The following PDE12 variants were observed in gnomAD, a reference collection of about 807,000 sequenced individuals.
PDE12 encodes the protein phosphodiesterase 12, also known as 2',5'-phosphodiesterase 12.
In PDE12, 26 loss-of-function variants were observed where a neutral mutation model predicts 45.4. The observed-to-expected ratio is 0.57, with a 90% confidence interval of 0.42 to 0.79. The LOEUF is 0.79. PDE12 is among the 30% of genes least tolerant of loss of function. The pLI is 0.00. For synonymous variants in PDE12, 283 were observed against 323.9 expected (o/e 0.87, Z 1.36); for missense variants, 668 against 790.0 (o/e 0.85, Z 1.85).
chr3:57,559,446 T>G, intron 2 of PDE12, 58 bp downstream of exon 2: 1 of 1,572,908 alleles, frequency 6.4e-7, no homozygotes. Flanking sequence ...TTTAAAGTGT[T>G]TTACACAAAT....
Position 57,556,500 on chromosome 3 carries a change from C to T in PDE12, c.121C>T (p.Arg41Cys). 1.2e-6 allele frequency: 2 copies of T among 1,613,326 alleles called. No individual in the cohort carries two copies. The highest frequency in any genetic ancestry group is 2.2e-5 in the South Asian group (2 of 91,090). The change falls in exon 1 of 3, where the codon CGC (arginine) becomes TGC (cysteine). Residue 41 changes from arginine (R) to cysteine (C), a missense_variant. Transcript: ENST00000311180. This position sits in a 1 kb window ranked among gnomAD's most constrained non-coding sequence, Gnocchi z 5.0. ...AAGAMERAVV[R>C]CVPSEPKLSL... The stretch of plus-strand genomic sequence containing the variant: ...GGGAGCGATGGAGCGCGCTGTAGTG[C>T]GCTGCGTACCTTCGGAACCCAAGCT...
chr3:57,642,765 G>T, the PDE12 span, among the ~76,000 whole-genome samples: 2 of 152,096 alleles, frequency 1.3e-5, no homozygotes, highest in African/African-American at 2.4e-5. Flanking sequence ...AGCCCTTTGG[G>T]AAGGCCGAGG....
chr3:57,596,204 A>G, the PDE12 span, among the ~76,000 whole-genome samples: 2 of 152,182 alleles, frequency 1.3e-5, no homozygotes, highest in African/African-American at 4.8e-5. Context: ...AACTTTCTAA[A>G]AAGAAATTTT....
chr3:57,633,509 T>G, the PDE12 span, among the ~76,000 whole-genome samples: 2 of 152,226 alleles, frequency 1.3e-5, no homozygotes, highest in South Asian at 4.1e-4. Flanking sequence ...AAGTTCATTG[T>G]GCAATATCCT....
At chr3:57,575,532 A>G in the PDE12 span, 73 of 1,602,654 alleles carry the variant, frequency 4.6e-5, no homozygotes, top group African/African-American at 7.5e-4. Flanking sequence ...GTTAATATCA[A>G]CCTCCAAATA....
At chr3:57,621,660 A>AAAAAT in the PDE12 span, among the ~76,000 whole-genome samples, 7 of 152,180 alleles carry the variant, frequency 4.6e-5, no homozygotes, top group Admixed American at 1.3e-4. Context: ...AGTCTGTCTC[A>AAAAAT]AAAATAAAAT....
the PDE12 span, among the ~76,000 whole-genome samples, chr3:57,585,662 A>T: frequency 1.6e-5 from 1 of 62,524 alleles, no homozygotes; most frequent in Non-Finnish European, 3.0e-5. Flanking sequence ...TAATATCTAA[A>T]TTCTTTTTTT....
At chr3:57,571,486 TCAG>T (rs1200941171), downstream of PDE12, 2 of 152,354 alleles carry the variant, frequency 1.3e-5, no homozygotes, top group African/African-American at 4.8e-5. Flanking sequence ...AAACAAAACA[TCAG>T]CAGAACTATC....
At chr3:57,610,961 C>T in the PDE12 span, among the ~76,000 whole-genome samples, 2 of 152,106 alleles carry the variant, frequency 1.3e-5, no homozygotes, top group African/African-American at 4.8e-5. Flanking sequence ...AAGCTGGAGG[C>T]ATCACGCTAC....
chr3:57,560,053 C>T lies in PDE12; in HGVS notation c.*49C>T. On this transcript the variant is annotated 3_prime_UTR_variant, in exon 3 of 3. Transcript: ENST00000311180. ...TCTGAAAAGGAAGTAGTTATTTTAG[C>T]AGAAAATTTAATATGAATCAAAGCT... The T allele has an allele frequency of 6.5e-7, 1 of 1,535,658 alleles. No homozygotes were observed. The highest frequency in any genetic ancestry group is 1.4e-5 in the African/African-American group (1 of 72,626).
At chr3:57,615,604 G>T in the PDE12 span, among the ~76,000 whole-genome samples, 8 of 152,080 alleles carry the variant, frequency 5.3e-5, no homozygotes, top group Non-Finnish European at 1.2e-4. Context: ...AGGAGTTTGA[G>T]ACCAGCCTGG....
the PDE12 span, chr3:57,645,604 C>A: frequency 7.8e-7 from 1 of 1,285,396 alleles, no homozygotes; most frequent in Non-Finnish European, 1.1e-6. Context: ...AAAAATAATT[C>A]TACACAATTT....
In PDE12 at chr3:57,559,405, A is replaced by G. The variant is rs770984760; in HGVS notation, c.1387+17A>G. ...ATCCTAAAGGTAGGTTTTATTTGGT[A>G]TCACAAGTGACTTAAACACGCTTAA... is the stretch of plus-strand genomic sequence containing the variant. On this transcript the variant is annotated intron_variant, in intron 2 of 2. Coordinates refer to ENST00000311180, the MANE Select transcript of PDE12 (RefSeq NM_177966.7). 35 of 1,596,958 alleles carry G rather than the reference A, an allele frequency of 2.2e-5. No individual in the cohort carries two copies. The highest frequency in any genetic ancestry group is 3.3e-4 in the Middle Eastern group (2 of 6,050).
At chr3:57,649,813 AC>A in the PDE12 span, among the ~76,000 whole-genome samples, 13 of 63,448 alleles carry the variant, frequency 2.0e-4, no homozygotes, top group Non-Finnish European at 4.1e-4. Context: ...CCCCACCCCC[AC>A]CCCCATGGAT....
the PDE12 span, chr3:57,654,643 A>C: frequency 1.0e-6 from 1 of 985,156 alleles, no homozygotes; most frequent in Non-Finnish European, 1.2e-6. Flanking sequence ...CTTCAATTCT[A>C]ATCTCACCTC....
At chr3:57,616,971 T>A in the PDE12 span, among the ~76,000 whole-genome samples, 2 of 151,914 alleles carry the variant, frequency 1.3e-5, no homozygotes, top group Middle Eastern at 6.8e-3. Context: ...TTGCAGTGAG[T>A]CAAGATCACA....
At position 57,557,482 on chromosome 3, in the gene PDE12, T is replaced by G. The variant is rs773504016; in HGVS notation, c.1103T>G (p.Phe368Cys). Residue 368 changes from phenylalanine (F) to cysteine (C), a missense_variant, in exon 1 of 3, where the codon TTC (phenylalanine) becomes TGC (cysteine). Physicochemically the swap from Phe to Cys is radical, Grantham distance 205. Coordinates refer to ENST00000311180, the MANE Select transcript of PDE12 (RefSeq NM_177966.7). ...SDSLVPALEA[F>C]GLEGVFRIKQ... is the part of the protein sequence containing the mutation. ...AGCTTGGTACCCGCCCTAGAGGCCT[T>G]CGGGCTCGAGGGGGTGTTTCGAATC... 1.2e-6 allele frequency: 2 copies of G among 1,614,028 alleles called. No homozygotes were observed. Among genetic ancestry groups the G allele is most frequent in the Non-Finnish European group, 1.7e-6 (2 of 1,180,022 alleles).
At chr3:57,630,657 T>C in the PDE12 span, 3 of 1,565,108 alleles carry the variant, frequency 1.9e-6, no homozygotes, top group African/African-American at 1.4e-5. Flanking sequence ...TTTAGCTTTT[T>C]GTTTTGCTTT....
At chr3:57,605,526 T>C in the PDE12 span, among the ~76,000 whole-genome samples, 24,644 of 152,126 alleles carry the variant, frequency 0.16, 2,677 homozygotes, top group East Asian at 0.48. Flanking sequence ...TAATTCTAAA[T>C]TGAGTACTAC....
Sources: gnomAD v4.1 joint callset for allele counts (sites outside exome capture counted in the v4.1 genomes callset) on GRCh38, gnomAD v4.1.1 for gene constraint, Gnocchi (gnomAD v3.1) non-coding constraint, MANE v1.5 for transcripts, NCBI Gene and HGNC (gene_info 2026-07-23, HGNC 2026-07-21) for gene names.